The following CDH12 variants were observed in gnomAD, a reference collection of about 807,000 sequenced individuals.
The protein encoded by CDH12 is cadherin-12.
In CDH12, 41 loss-of-function variants were observed where a neutral mutation model predicts 74.1. The ratio of observed to expected loss-of-function variants is 0.55; its 90% CI spans 0.43 to 0.72. The LOEUF (loss-of-function observed/expected upper bound fraction) is 0.72, where lower values mean the gene tolerates loss of function less well. CDH12 is among the 30% of genes least tolerant of loss of function. The pLI is 0.00. For missense variants in CDH12, 945 were observed against 977.2 expected (o/e 0.97, Z 0.44); for synonymous variants, 399 against 355.0 (o/e 1.12, Z -1.39).
chr5:22,211,396 T>C (rs1470290315), intron 4 of CDH12, among the ~76,000 whole-genome samples: 3 of 152,182 alleles, frequency 2.0e-5, no homozygotes, highest in Non-Finnish European at 4.4e-5. Flanking sequence ...TCATACAATA[T>C]CAAGGTAAGT....
intron 1 of CDH12, among the ~76,000 whole-genome samples, chr5:22,733,595 G>C (rs1313642708): frequency 6.6e-6 from 1 of 151,724 alleles, no homozygotes; most frequent in African/African-American, 2.4e-5. Context: ...ATTTTAAATT[G>C]ATGTGCATCA....
intron 6 of CDH12, chr5:21,883,384 A>C: frequency 6.4e-7 from 1 of 1,551,030 alleles, no homozygotes; most frequent in East Asian, 2.2e-5. Context: ...GAAATTGCCA[A>C]TGCTCACCAT....
At chr5:21,898,987 C>T (rs10043032) in intron 6 of CDH12, among the ~76,000 whole-genome samples, 147,192 of 152,218 alleles carry the variant, frequency 0.97, 71,335 homozygotes, top group Non-Finnish European at 1. Flanking sequence ...ATTTCTCCTG[C>T]TTTCCAGGAA....
At chr5:22,457,267 T>C (rs1745315918) in intron 2 of CDH12, among the ~76,000 whole-genome samples, 1 of 152,134 alleles carries the variant, frequency 6.6e-6, no homozygotes, top group African/African-American at 2.4e-5. Flanking sequence ...CTGTATTGCC[T>C]CACAGTTCTG....
intron 3 of CDH12, among the ~76,000 whole-genome samples, chr5:22,325,814 G>A (rs1268228095): frequency 3.9e-5 from 6 of 151,970 alleles, no homozygotes; most frequent in Non-Finnish European, 4.4e-5. Flanking sequence ...AGGCTGAGGC[G>A]GGAGAATGGT....
chr5:21,763,125 A>C (rs1375391788), intron 12 of CDH12, among the ~76,000 whole-genome samples: 1 of 152,162 alleles, frequency 6.6e-6, no homozygotes, highest in Non-Finnish European at 1.5e-5. Flanking sequence ...AAAATTAACG[A>C]TGCAGATTTC....
intron 4 of CDH12, among the ~76,000 whole-genome samples, chr5:22,091,846 A>G (rs972489087): frequency 4.6e-5 from 7 of 151,948 alleles, no homozygotes; most frequent in Non-Finnish European, 1.0e-4. Flanking sequence ...TGGTACTGGC[A>G]TAAGTATACA....
At chr5:22,052,998 T>C (rs1445995505) in intron 5 of CDH12, among the ~76,000 whole-genome samples, 1 of 151,992 alleles carries the variant, frequency 6.6e-6, no homozygotes, top group African/African-American at 2.4e-5. Flanking sequence ...AAGTTTTATC[T>C]CTAATACACT....
At chr5:22,346,071 A>G (rs1285932201) in intron 3 of CDH12, among the ~76,000 whole-genome samples, 1 of 146,382 alleles carries the variant, frequency 6.8e-6, no homozygotes, top group Non-Finnish European at 1.5e-5. Context: ...GCACCATTGT[A>G]CTCCATCCTG....
At chr5:22,338,563 A>T (rs531792693) in intron 3 of CDH12, among the ~76,000 whole-genome samples, 30 of 152,286 alleles carry the variant, frequency 2.0e-4, no homozygotes, top group East Asian at 7.7e-4. Flanking sequence ...ACATTTAAAA[A>T]TAACTAAAAG....
At chr5:22,497,682 A>T (rs1747157731) in intron 2 of CDH12, among the ~76,000 whole-genome samples, 1 of 116,136 alleles carries the variant, frequency 8.6e-6, no homozygotes, top group Admixed American at 1.4e-4. Context: ...TGGCTCTGTC[A>T]CCTAGGCTGG....
At chr5:22,528,279 G>A (rs998926469) in intron 1 of CDH12, among the ~76,000 whole-genome samples, 1 of 152,092 alleles carries the variant, frequency 6.6e-6, no homozygotes, top group African/African-American at 2.4e-5. Flanking sequence ...TGTGAGTAGG[G>A]GGGGTTGCTT....
At chr5:22,801,536 C>G (rs1457489126) in intron 1 of CDH12, among the ~76,000 whole-genome samples, 1 of 150,934 alleles carries the variant, frequency 6.6e-6, no homozygotes, top group Non-Finnish European at 1.5e-5. Context: ...TAACATCCTA[C>G]AATGTTGTCG....
chr5:21,771,094 A>T (rs1745299688), intron 11 of CDH12, among the ~76,000 whole-genome samples: 1 of 152,138 alleles, frequency 6.6e-6, no homozygotes, highest in African/African-American at 2.4e-5. Context: ...AAGATCAAAA[A>T]ACTATTACCT....
At chr5:21,804,214 C>A (rs1402966106) in intron 9 of CDH12, among the ~76,000 whole-genome samples, 2 of 151,836 alleles carry the variant, frequency 1.3e-5, no homozygotes, top group Non-Finnish European at 2.9e-5. Context: ...TCTCTTAATA[C>A]CTATATAAGC....
intron 3 of CDH12, among the ~76,000 whole-genome samples, chr5:22,231,528 T>G (rs2150375200): frequency 6.6e-6 from 1 of 152,128 alleles, no homozygotes; most frequent in Non-Finnish European, 1.5e-5. Flanking sequence ...AGTGCCAAAA[T>G]AACTCTTTAT....
intron 3 of CDH12, among the ~76,000 whole-genome samples, chr5:22,358,679 A>G (rs146597694): frequency 0.014 from 2,125 of 152,330 alleles, 27 homozygotes; most frequent in Middle Eastern, 0.027. Flanking sequence ...TGTAAAAAGC[A>G]GAAAGCATTA....
chr5:22,221,812 T>C (rs1156414143), intron 3 of CDH12, among the ~76,000 whole-genome samples: 2 of 151,906 alleles, frequency 1.3e-5, no homozygotes, highest in East Asian at 3.8e-4. Context: ...ACTTCAATAG[T>C]CCCCAGTTGC....
intron 3 of CDH12, among the ~76,000 whole-genome samples, chr5:22,319,245 T>C (rs903332885): frequency 3.3e-5 from 5 of 152,204 alleles, no homozygotes; most frequent in Admixed American, 3.3e-4. Context: ...AATAGAATCA[T>C]TGGCGATACT....
Sources: gnomAD v4.1 joint callset for allele counts (sites outside exome capture counted in the v4.1 genomes callset) on GRCh38, gnomAD v4.1.1 for gene constraint, MANE v1.5 for transcripts, NCBI Gene and HGNC (gene_info 2026-07-23, HGNC 2026-07-21) for gene names.